Variants in GPC5 observed in about 807,000 individuals in gnomAD.
GPC5 encodes the protein glypican 5, also known as glypican-5.
A neutral mutation model predicts 53.9 loss-of-function variants in GPC5; 47 were observed. The ratio of observed to expected loss-of-function variants is 0.87; its 90% confidence interval spans 0.69 to 1.11. The LOEUF is 1.11. Ranked by LOEUF, GPC5 falls within the 50% of genes most tolerant of loss-of-function variation. GPC5 has a pLI of 0.00. For synonymous variants in GPC5, 286 were observed against 263.3 expected (o/e 1.09, Z -0.84); for missense variants, 748 against 713.1 (o/e 1.05, Z -0.56).
chr13:92,330,395 G>T (rs1042040283), intron 7 of GPC5, among the ~76,000 whole-genome samples: 1 of 152,054 alleles, frequency 6.6e-6, no homozygotes, highest in Non-Finnish European at 1.5e-5. Flanking sequence ...AGCAGGTTGG[G>T]CCTTCATTTA....
chr13:92,574,728 A>C (rs1383664380), intron 7 of GPC5, among the ~76,000 whole-genome samples: 2 of 152,176 alleles, frequency 1.3e-5, no homozygotes, highest in African/African-American at 2.4e-5. Flanking sequence ...AGTCAAGACA[A>C]CTTTGAGGTG....
chr13:91,631,556 G>C (rs766646341), intron 2 of GPC5, among the ~76,000 whole-genome samples: 52 of 152,074 alleles, frequency 3.4e-4, no homozygotes, highest in Non-Finnish European at 6.2e-4. Context: ...TCTCAAGGTA[G>C]CTGAGCACTG....
chr13:92,646,144 T>G (rs1885758216), intron 7 of GPC5, among the ~76,000 whole-genome samples: 1 of 152,100 alleles, frequency 6.6e-6, no homozygotes, highest in Non-Finnish European at 1.5e-5. Flanking sequence ...CTGCTAGAAG[T>G]TCTAGAGTTG....
At chr13:91,903,158 G>C (rs1345621685) in intron 5 of GPC5, among the ~76,000 whole-genome samples, 1 of 151,520 alleles carries the variant, frequency 6.6e-6, no homozygotes, top group African/African-American at 2.4e-5. Flanking sequence ...TAACTGATTC[G>C]TTTTAAAATT....
At chr13:91,756,206 TA>T (rs532898615) in intron 4 of GPC5, 88 bp from the exon 5 acceptor site, 127 of 946,982 alleles carry the variant, frequency 1.3e-4, no homozygotes, top group Non-Finnish European at 1.6e-4. Flanking sequence ...AATTATATCC[TA>T]AACATTATGT....
At chr13:91,476,727 TA>T (rs1452131451) in intron 2 of GPC5, among the ~76,000 whole-genome samples, 4 of 152,080 alleles carry the variant, frequency 2.6e-5, no homozygotes, top group Non-Finnish European at 5.9e-5. Flanking sequence ...GTTGCAGAAT[TA>T]AATGACCTAC....
intron 2 of GPC5, among the ~76,000 whole-genome samples, chr13:91,664,005 T>C (rs1205636224): frequency 6.6e-6 from 1 of 152,140 alleles, no homozygotes; most frequent in Non-Finnish European, 1.5e-5. Context: ...CCATTACTGA[T>C]TCCAGATATA....
At chr13:92,123,912 T>A (rs2138949784) in intron 6 of GPC5, among the ~76,000 whole-genome samples, 1 of 152,330 alleles carries the variant, frequency 6.6e-6, no homozygotes, top group Admixed American at 6.5e-5. Flanking sequence ...TTCATTAAAC[T>A]ATTTTCCAAA....
intron 6 of GPC5, among the ~76,000 whole-genome samples, chr13:92,111,075 T>C (rs1360169534): frequency 6.6e-6 from 1 of 152,152 alleles, no homozygotes; most frequent in African/African-American, 2.4e-5. Context: ...CAACATGTAA[T>C]AGAAAGCCAA....
rs118015229 is a variant in GPC5 at position 92,808,962 on chromosome 13, A to G, written c.1562-57320A>G. On this transcript the variant is annotated intron_variant, in intron 7 of 7. Transcript: ENST00000377067. ...AGGAAAGACAAGATACTAGGAGCTC[A>G]GTATTCTCCCCTACACATTATTCTA... Among the ~76,000 whole-genome samples the G allele has an allele frequency of 7.6e-3, 1,150 of 152,226 alleles. 16 individuals carry two copies. Among genetic ancestry groups the G allele is most frequent in the Middle Eastern group, 0.01 (3 of 294 alleles).
At chr13:92,360,855 G>T (rs1371416308) in intron 7 of GPC5, among the ~76,000 whole-genome samples, 1 of 151,818 alleles carries the variant, frequency 6.6e-6, no homozygotes, top group African/African-American at 2.4e-5. Context: ...TGACCCAGTA[G>T]ATAATTAGCA....
chr13:91,555,062 A>T (rs1217211921), intron 2 of GPC5, among the ~76,000 whole-genome samples: 1 of 152,046 alleles, frequency 6.6e-6, no homozygotes, highest in Non-Finnish European at 1.5e-5. Context: ...TTTCTAATCA[A>T]ACTTTTAATT....
chr13:92,437,705 G>A (rs1411458601), intron 7 of GPC5, among the ~76,000 whole-genome samples: 2 of 151,926 alleles, frequency 1.3e-5, no homozygotes, highest in East Asian at 1.9e-4. Context: ...CTTAGGTTGT[G>A]TGTTTAACTG....
intron 2 of GPC5, among the ~76,000 whole-genome samples, chr13:91,673,579 G>A (rs576317605): frequency 3.9e-5 from 6 of 152,234 alleles, no homozygotes; most frequent in South Asian, 2.1e-4. Context: ...CTTCCTTAGC[G>A]TGATGGTGAT....
intron 5 of GPC5, among the ~76,000 whole-genome samples, chr13:91,803,777 G>GATAGAC (rs1555286637): frequency 1.8e-5 from 2 of 113,706 alleles, no homozygotes; most frequent in African/African-American, 6.0e-5. Context: ...CAGACAGACA[G>GATAGAC]ACAGACACAC....
chr13:92,277,275 A>C (rs1282285027), intron 7 of GPC5, among the ~76,000 whole-genome samples: 1 of 152,080 alleles, frequency 6.6e-6, no homozygotes, highest in Non-Finnish European at 1.5e-5. Flanking sequence ...GGGAAAGTCT[A>C]AGATTGTGCT....
intron 3 of GPC5, 21 bp from the exon 4 acceptor site, chr13:91,728,511 T>G (rs1476992323): frequency 5.6e-6 from 9 of 1,603,018 alleles, no homozygotes; most frequent in Non-Finnish European, 6.8e-6. Context: ...TAACTACCTT[T>G]TAATGTTTTC....
intron 7 of GPC5, among the ~76,000 whole-genome samples, chr13:92,178,192 G>A (rs950921273): frequency 3.3e-5 from 5 of 152,144 alleles, no homozygotes; most frequent in Non-Finnish European, 7.4e-5. Context: ...TGTCACAGCA[G>A]GCGCATCAGA....
chr13:91,600,639 C>T (rs10219891), intron 2 of GPC5, among the ~76,000 whole-genome samples: 29,403 of 151,572 alleles, frequency 0.19, 3,025 homozygotes, highest in African/African-American at 0.25. Flanking sequence ...GATGGGGTCT[C>T]GCTCTGTCGC....
Sources: gnomAD v4.1 joint callset for allele counts (sites outside exome capture counted in the v4.1 genomes callset) on GRCh38, gnomAD v4.1.1 for gene constraint, MANE v1.5 for transcripts, NCBI Gene and HGNC (gene_info 2026-07-23, HGNC 2026-07-21) for gene names.